The following NUMB variants were observed in gnomAD, a reference collection of about 807,000 sequenced individuals.
The protein encoded by NUMB is NUMB endocytic adaptor protein, also known as protein numb homolog.
A neutral mutation model predicts 59.7 loss-of-function variants in NUMB; 29 were observed. That is an observed-to-expected ratio of 0.49 (90% confidence interval 0.36 to 0.66). NUMB has a LOEUF of 0.66. Ranked by LOEUF, NUMB falls within the 30% of genes least tolerant of loss-of-function variation. The pLI, the probability that NUMB is intolerant of heterozygous loss-of-function variation, is 0.00. For missense variants in NUMB, 723 were observed against 822.0 expected, an observed-to-expected ratio of 0.88 and a Z score of 1.47; for synonymous variants, 288 against 288.2, an observed-to-expected ratio of 1.00 and a Z score of 0.01.
chr14:73,291,427 G>A (rs568524661), intron 8 of NUMB, among the ~76,000 whole-genome samples: 1 of 151,834 alleles, frequency 6.6e-6, no homozygotes, highest in East Asian at 1.9e-4. Flanking sequence ...CGTCCAGGCT[G>A]GAGTGCAGTG....
chr14:73,392,834 C>T (rs78831471), intron 2 of NUMB, among the ~76,000 whole-genome samples: 1,700 of 150,740 alleles, frequency 0.011, 28 homozygotes, highest in African/African-American at 0.04. Context: ...GCTAGGAAAA[C>T]TGAGTAAGTC....
rs1888136695 is a variant in NUMB at position 73,276,120 on chromosome 14, T to C, written c.*458A>G. ...GAATTCTGGCAGCATAGCGTGCCTC[T>C]CTGTTCCCCAGCCTGAGCACAAACC... On this transcript the variant is annotated 3_prime_UTR_variant, in exon 13 of 13. Transcript: ENST00000555238. 3.2e-5 allele frequency: 5 copies of C among 155,988 alleles called. No individual in the cohort carries two copies. Among genetic ancestry groups the C allele is most frequent in the Admixed American group, 3.1e-4 (5 of 16,024 alleles). The allele number at this position is 155,988 out of a possible 1,614,324, so 9.7% of individuals were successfully genotyped here.
chr14:73,334,821 C>A (rs531263203), intron 4 of NUMB, among the ~76,000 whole-genome samples: 4 of 151,858 alleles, frequency 2.6e-5, no homozygotes, highest in Admixed American at 2.6e-4. Flanking sequence ...TGGTGGTGGG[C>A]GCCTGTAATC....
At chr14:73,284,019 G>A (rs3742821) in intron 10 of NUMB, 62 bp downstream of exon 10, 32,931 of 1,444,088 alleles carry the variant, frequency 0.023, 1,808 homozygotes, top group South Asian at 0.15. Flanking sequence ...GTGTCTTCAT[G>A]GGAAGTGATG....
chr14:73,404,383 AAT>A (rs1342248663), intron 2 of NUMB, among the ~76,000 whole-genome samples: 2 of 152,154 alleles, frequency 1.3e-5, no homozygotes, highest in Non-Finnish European at 2.9e-5. Flanking sequence ...TACAGGAAAA[AAT>A]AGTTTGCATT....
At chr14:73,449,285 T>C (rs1883762435) in intron 1 of NUMB, among the ~76,000 whole-genome samples, 2 of 152,094 alleles carry the variant, frequency 1.3e-5, no homozygotes, top group African/African-American at 4.8e-5. Context: ...TGTGCATCTA[T>C]GGATTTTGGT....
chr14:73,364,720 T>C (rs11159015), intron 3 of NUMB, among the ~76,000 whole-genome samples: 35,275 of 151,880 alleles, frequency 0.23, 5,072 homozygotes, highest in East Asian at 0.68. Flanking sequence ...CTCAACCTCC[T>C]GGGCTTAAAG....
intron 4 of NUMB, among the ~76,000 whole-genome samples, chr14:73,327,617 A>G (rs1891732302): frequency 6.6e-6 from 1 of 152,144 alleles, no homozygotes; most frequent in South Asian, 2.1e-4. Context: ...ATGGTGCTGT[A>G]AAAGTACATC....
intron 4 of NUMB, among the ~76,000 whole-genome samples, chr14:73,352,531 T>TTG (rs1566756484): frequency 6.3e-4 from 7 of 11,096 alleles, no homozygotes; most frequent in African/African-American, 2.4e-3. Flanking sequence ...TATATATATG[T>TTG]TTTTTTTTTT....
chr14:73,324,202 T>C (rs1594905492), intron 4 of NUMB, among the ~76,000 whole-genome samples: 3 of 152,138 alleles, frequency 2.0e-5, no homozygotes, highest in Non-Finnish European at 4.4e-5. Context: ...TCCAGACAAC[T>C]TGTATTATAG....
intron 1 of NUMB, among the ~76,000 whole-genome samples, chr14:73,446,650 A>G (rs761648494): frequency 2.6e-5 from 4 of 151,838 alleles, no homozygotes; most frequent in Non-Finnish European, 4.4e-5. Flanking sequence ...GCCAAACTGT[A>G]TGGTTTCTAA....
chr14:73,424,809 T>C (rs950729602), intron 1 of NUMB, among the ~76,000 whole-genome samples: 1 of 152,234 alleles, frequency 6.6e-6, no homozygotes, highest in Non-Finnish European at 1.5e-5. Context: ...GAAAAACTAA[T>C]TTAACTGACC....
At chr14:73,362,101 A>G (rs1252523579) in intron 3 of NUMB, among the ~76,000 whole-genome samples, 4 of 152,014 alleles carry the variant, frequency 2.6e-5, no homozygotes, top group Admixed American at 2.0e-4. Context: ...TACAAAAAAT[A>G]CAAAAACTAG....
intron 1 of NUMB, among the ~76,000 whole-genome samples, chr14:73,440,827 C>CA (rs397713746): frequency 0.42 from 19,531 of 45,986 alleles, 4,064 homozygotes; most frequent in African/African-American, 0.52. Context: ...GACTCCGTCT[C>CA]AAAAAAAAAA....
At chr14:73,277,591 T>A (rs959850896) in intron 12 of NUMB, among the ~76,000 whole-genome samples, 2 of 152,132 alleles carry the variant, frequency 1.3e-5, no homozygotes. Flanking sequence ...GCTGTTGCTA[T>A]GGCTCATCCA....
intron 2 of NUMB, among the ~76,000 whole-genome samples, chr14:73,406,618 A>G (rs1398991326): frequency 6.6e-6 from 1 of 152,138 alleles, no homozygotes; most frequent in Non-Finnish European, 1.5e-5. Flanking sequence ...CCAGTAATGC[A>G]ATGGCTGGGT....
rs71112737 is a variant in NUMB at position 73,353,072 on chromosome 14, GTTTTTTTTTTTTTTT to G, written c.126+2539_126+2553del. Among the ~76,000 whole-genome samples, 7 of 58,514 alleles carry G rather than the reference GTTTTTTTTTTTTTTT, an allele frequency of 1.2e-4. 1 individual carries two copies. Among genetic ancestry groups the G allele is most frequent in the African/African-American group, 1.7e-4 (3 of 17,556 alleles). The allele number at this position is 58,514 out of a possible 152,430, so 38.4% of individuals were successfully genotyped here. Reference sequence around the variant, plus strand: ...CTTAATGGATGCCACAGTTTTTCTTGTTTTTTTTTTTTTTTTTTTTTTTTTTTTTGAGACAGAGTC... The same window carrying G: ...CTTAATGGATGCCACAGTTTTTCTTGTTTTTTTTTTTTTTGAGACAGAGTC... On this transcript the variant is annotated intron_variant, in intron 4 of 12. Transcript: ENST00000555238.
intron 1 of NUMB, among the ~76,000 whole-genome samples, chr14:73,446,969 A>C (rs1301739483): frequency 1.3e-5 from 2 of 151,738 alleles, no homozygotes; most frequent in African/African-American, 4.8e-5. Flanking sequence ...TGGGCAGATC[A>C]TGAGGTCAGA....
intron 4 of NUMB, among the ~76,000 whole-genome samples, chr14:73,350,074 T>C (rs868085084): frequency 0.053 from 6,877 of 130,370 alleles, 292 homozygotes; most frequent in South Asian, 0.17. Context: ...CATACATACA[T>C]ACATACACAC....
Sources: allele counts gnomAD v4.1 joint callset (sites outside exome capture counted in the v4.1 genomes callset), GRCh38; gene constraint gnomAD v4.1.1; transcripts MANE v1.5; gene names NCBI Gene and HGNC (gene_info 2026-07-23, HGNC 2026-07-21).